TTN: variants seen among roughly 807,000 people sequenced by gnomAD.
TTN encodes titin.
A neutral mutation model predicts 3,223.0 loss-of-function variants in TTN; 1,525 were observed. The ratio of observed to expected loss-of-function variants is 0.47; its 90% CI spans 0.45 to 0.49. The LOEUF is 0.49. Among genes scored for constraint, TTN ranks in the 20% least tolerant of loss-of-function variants. The pLI, the probability that TTN is intolerant of heterozygous loss-of-function variation, is 0.00. For missense variants in TTN, 40,786 were observed against 43,424.0 expected (o/e 0.94, Z 5.40); for synonymous variants, 14,094 against 15,161.0 (o/e 0.93, Z 5.17).
chr2:178,778,607 T>C, intron 24 of TTN: 1 of 471,492 alleles, frequency 2.1e-6, no homozygotes, highest in Admixed American at 3.4e-5. Flanking sequence ...AATTTACATA[T>C]GTAAAAATCA....
intron 171 of TTN, 27 bp downstream of exon 171, chr2:178,663,600 C>A (rs754362506): frequency 2.9e-5 from 46 of 1,613,572 alleles, no homozygotes; most frequent in Non-Finnish European, 3.7e-5. Context: ...GATACATCAT[C>A]TGAAGCCTAA....
In TTN at chr2:178,649,646, G is replaced by C; in HGVS notation, c.39896-15C>G. ...CATCTCAGGTTCTTTAAAGATATCA[G>C]TAGCATTTAATAATACAAAGTTGTG... On this transcript the variant is annotated splice_polypyrimidine_tract_variant and intron_variant, in intron 211 of 362. Coordinates refer to ENST00000589042, the MANE Select transcript of TTN (RefSeq NM_001267550.2). The C allele has an allele frequency of 6.4e-7, 1 of 1,550,690 alleles. No individual in the cohort carries two copies. Among genetic ancestry groups the C allele is most frequent in the Non-Finnish European group, 8.7e-7 (1 of 1,146,158 alleles).
chr2:178,688,611 GGAA>G, intron 126 of TTN, 63 bp downstream of exon 126: 5 of 1,073,552 alleles, frequency 4.7e-6, no homozygotes, highest in South Asian at 2.5e-5. Flanking sequence ...AATCACATGT[GGAA>G]GAAGAAGAGA....
intron 47 of TTN, among the ~76,000 whole-genome samples, chr2:178,743,494 A>G (rs1301053499): frequency 6.6e-6 from 1 of 151,976 alleles, no homozygotes; most frequent in Non-Finnish European, 1.5e-5. Flanking sequence ...CCATACTTGA[A>G]ACTAACAGAA....
chr2:178,711,844 G>A, intron 96 of TTN, 100 bp downstream of exon 96: 1 of 1,404,064 alleles, frequency 7.1e-7, no homozygotes, highest in Non-Finnish European at 9.5e-7. Flanking sequence ...AGAATTTTAA[G>A]CCTTTGGAAA....
Position 178,562,688 on chromosome 2 carries a change from G to A in TTN, c.83444C>T (p.Thr27815Ile). The A allele has an allele frequency of 6.3e-7, 1 of 1,596,116 alleles. No homozygotes were observed. The highest frequency in any genetic ancestry group is 8.5e-7 in the Non-Finnish European group (1 of 1,172,674). Residue 27815 changes from threonine to isoleucine, a missense_variant, in exon 326 of 363, where the codon ACC becomes ATC. Physicochemically the swap from Thr to Ile is moderately conservative, Grantham distance 89. Transcript: ENST00000589042. ...AGTTTTAGTGCAATTATTTGTAATGGTAGCATAGGCTTTTCTTGTAGTTTC... is the reference window on the plus strand; with the variant it reads ...AGTTTTAGTGCAATTATTTGTAATGATAGCATAGGCTTTTCTTGTAGTTTC... ...KRETTRKAYA[T>I]ITNNCTKTTF...
Position 178,693,681 on chromosome 2 carries a change from C to G in TTN, c.31522G>C (p.Val10508Leu). 6.3e-7 allele frequency: 1 copy of G among 1,593,972 alleles called. No homozygotes were observed. Among genetic ancestry groups the G allele is most frequent in the Non-Finnish European group, 8.6e-7 (1 of 1,166,948 alleles). ...TCTTCAGTAACAATTTCCTTTTGTA[C>G]CTCGGGGACTTAAAAAAATGTACAT... ...EEEVSVTVPEVQKEIVTEEKI... is the reference protein window; with the variant it reads ...EEEVSVTVPELQKEIVTEEKI... Residue 10508 changes from valine to leucine, a missense_variant, in exon 119 of 363, where the codon GTA becomes CTA. Physicochemically the swap from Val to Leu is conservative, Grantham distance 32. Coordinates refer to ENST00000589042, the MANE Select transcript of TTN (RefSeq NM_001267550.2).
chr2:178,538,739 A>G lies in TTN; in HGVS notation c.99090T>C (p.Ile33030=). The change falls in exon 354 of 363, where the codon ATT becomes ATC. Residue 33030 remains isoleucine (I), a synonymous_variant. Coordinates refer to ENST00000589042, the MANE Select transcript of TTN (RefSeq NM_001267550.2). ...EKPECDGGKE[I]LGYWVEYRQS... ...GTCTATATTCAACCCAGTATCCAAG[A>G]ATTTCTTTACCACCATCACATTCAG... 1.9e-6 allele frequency: 3 copies of G among 1,613,748 alleles called. No homozygotes were observed. The highest frequency in any genetic ancestry group is 2.5e-6 in the Non-Finnish European group (3 of 1,179,734).
chr2:178,644,806 A>AG, intron 217 of TTN, 190 bp from the exon 218 acceptor site: 1 of 473,906 alleles, frequency 2.1e-6, no homozygotes, highest in Non-Finnish European at 3.7e-6. Flanking sequence ...TTTACTCCAA[A>AG]GTTCAGTAGT....
chr2:178,768,978 A>C, intron 37 of TTN, 45 bp from the exon 38 acceptor site: 22 of 1,606,990 alleles, frequency 1.4e-5, no homozygotes, highest in Non-Finnish European at 1.8e-5. Context: ...CTTTACGTAA[A>C]TATGATGTGG....
At position 178,569,513 on chromosome 2, in the gene TTN, G is replaced by A. The variant is rs541464855; in HGVS notation, c.76619C>T (p.Pro25540Leu). 1 of 1,612,628 alleles carries A rather than the reference G, an allele frequency of 6.2e-7. No homozygotes were observed. Among genetic ancestry groups the A allele is most frequent in the South Asian group, 1.1e-5 (1 of 90,972 alleles). Residue 25540 changes from proline to leucine, a missense_variant, in exon 326 of 363, where the codon CCA (proline) becomes CTA (leucine). Physicochemically the swap from Pro to Leu is moderately conservative, Grantham distance 98. Transcript: ENST00000589042. ...ATCCACCTTTCCCCATTTAACTTCTGGTGTAGGACGACCTTTTATAGGAAC... is the reference window on the plus strand; with the variant it reads ...ATCCACCTTTCCCCATTTAACTTCTAGTGTAGGACGACCTTTTATAGGAAC... ...LFVPIKGRPT[P>L]EVKWGKVDGE...
chr2:178,715,174 G>A lies in TTN; in HGVS notation c.26012C>T (p.Pro8671Leu), dbSNP rs2077292301. 6.2e-7 allele frequency: 1 copy of A among 1,613,718 alleles called. No homozygotes were observed. The highest frequency in any genetic ancestry group is 8.5e-7 in the Non-Finnish European group (1 of 1,179,700). Residue 8671 changes from proline (P) to leucine (L), a missense_variant, in exon 90 of 363, where the codon CCA becomes CTA. Coordinates refer to ENST00000589042, the MANE Select transcript of TTN (RefSeq NM_001267550.2). ...GTCTTTATACCAAGAAACGTGAAATGGGGGAGTGCCCTGAAGCTCACATTC... is the reference window on the plus strand; with the variant it reads ...GTCTTTATACCAAGAAACGTGAAATAGGGGAGTGCCCTGAAGCTCACATTC... Reference protein sequence around the residue: ...HLECELQGTPPFHVSWYKDKR... With the variant: ...HLECELQGTPLFHVSWYKDKR...
chr2:178,683,810 CT>C (rs1014115651), intron 133 of TTN, among the ~76,000 whole-genome samples, 188 bp downstream of exon 133: 32 of 151,766 alleles, frequency 2.1e-4, no homozygotes, highest in Middle Eastern at 3.4e-3. Flanking sequence ...AGAAGCCTCA[CT>C]TTTTTTTAAG....
Position 178,793,431 on chromosome 2 carries a change from T to C in TTN, c.1509A>G (p.Gln503=). 1 of 1,614,178 alleles carries C rather than the reference T, an allele frequency of 6.2e-7. No homozygotes were observed. Among genetic ancestry groups the C allele is most frequent in the Non-Finnish European group, 8.5e-7 (1 of 1,180,000 alleles). ...GCTCATGAGTTACGTGCATCTGCTCTTGCTTTGTGGTAATTACTTCTTTGG... is the reference window on the plus strand; with the variant it reads ...GCTCATGAGTTACGTGCATCTGCTCCTGCTTTGTGGTAATTACTTCTTTGG... ...SRTKEVITTK[Q]EQMHVTHEQI... is the part of the protein sequence containing the mutation. The change falls in exon 9 of 363, where the codon CAA becomes CAG. Residue 503 remains glutamine (Q), a synonymous_variant. Coordinates refer to ENST00000589042, the MANE Select transcript of TTN (RefSeq NM_001267550.2).
At position 178,695,882 on chromosome 2, in the gene TTN, T is replaced by C. The variant is rs1278826057; in HGVS notation, c.31190A>G (p.Gln10397Arg). The stretch of plus-strand genomic sequence containing the variant: ...ATACATACCTTCATAGACCTCCTTT[T>C]GAACTTGAATTACTTCCCTTTCTTG... ...AYQEREVIQVQKEVYEESHER... is the reference protein window; with the variant it reads ...AYQEREVIQVRKEVYEESHER... Residue 10397 changes from glutamine to arginine, a missense_variant, in exon 114 of 363, where the codon CAA (glutamine) becomes CGA (arginine). Coordinates refer to ENST00000589042, the MANE Select transcript of TTN (RefSeq NM_001267550.2). The C allele has an allele frequency of 1.4e-6, 2 of 1,456,726 alleles. No individual in the cohort carries two copies. Among genetic ancestry groups the C allele is most frequent in the South Asian group, 3.1e-5 (2 of 64,624 alleles). The allele number at this position is 1,456,726 out of a possible 1,614,324, so 90.2% of individuals were successfully genotyped here.
At chr2:178,615,834 T>C (rs1437397772) in intron 257 of TTN, 46 bp from the exon 258 acceptor site, 2 of 1,562,300 alleles carry the variant, frequency 1.3e-6, no homozygotes, top group African/African-American at 2.8e-5. Flanking sequence ...AAAAAACCCT[T>C]TCGCCAACCC....
intron 118 of TTN, 80 bp downstream of exon 118, chr2:178,693,842 C>G (rs2073054916): frequency 2.3e-6 from 3 of 1,331,694 alleles, no homozygotes; most frequent in Admixed American, 4.0e-5. Flanking sequence ...TCTACACGAT[C>G]ACAAATTAGA....
At chr2:178,742,007 G>C in intron 47 of TTN, 86 bp from the exon 48 acceptor site, 1 of 999,048 alleles carries the variant, frequency 1.0e-6, no homozygotes, top group East Asian at 3.1e-5. Flanking sequence ...ACCAGTTGAT[G>C]GCCTTCTTCT....
rs772242510 is a variant in TTN, at chr2:178,680,290, G to C, written c.33382C>G (p.Pro11128Ala). 9.3e-6 allele frequency: 15 copies of C among 1,611,922 alleles called. No individual in the cohort carries two copies. The highest frequency in any genetic ancestry group is 1.3e-5 in the Non-Finnish European group (15 of 1,179,102). The change falls in exon 139 of 363, where the codon CCT becomes GCT. Residue 11128 changes from proline (P) to alanine (A), a missense_variant. By Grantham distance (27) the Pro-to-Ala change is conservative. Transcript: ENST00000589042. ...PKRVVAEEKV[P>A]VPRKEVAPPV... is the part of the protein sequence containing the mutation. Reference sequence around the variant, plus strand: ...GGTGCTACTTCTTTTCTAGGGACAGGTACTTTTTCTTCTGCGACAACCCTC... The same window carrying C: ...GGTGCTACTTCTTTTCTAGGGACAGCTACTTTTTCTTCTGCGACAACCCTC...
Sources: gnomAD v4.1 joint callset for allele counts (sites outside exome capture counted in the v4.1 genomes callset) on GRCh38, gnomAD v4.1.1 for gene constraint, MANE v1.5 for transcripts, NCBI Gene and HGNC (gene_info 2026-07-23, HGNC 2026-07-21) for gene names.